Variants in IL1RAPL1 observed in about 807,000 individuals in gnomAD.
IL1RAPL1 encodes interleukin 1 receptor accessory protein like 1, also known as interleukin-1 receptor accessory protein-like 1.
IL1RAPL1 carries 3 observed loss-of-function variants against 48.4 expected under a neutral mutation model. The ratio of observed to expected loss-of-function variants is 0.06; its 90% CI spans 0.03 to 0.16. The LOEUF (loss-of-function observed/expected upper bound fraction) is 0.16. IL1RAPL1 is among the 10% of genes least tolerant of loss of function. IL1RAPL1 has a pLI of 1.00. For missense variants in IL1RAPL1, 349 were observed against 530.6 expected (o/e 0.66, Z 3.36); for synonymous variants, 185 against 187.7 (o/e 0.99, Z 0.12).
At chrX:28,721,847 A>G (rs1935586933) in intron 1 of IL1RAPL1, among the ~76,000 whole-genome samples, 1 of 111,405 alleles carries the variant, frequency 9.0e-6, no homozygotes, top group Non-Finnish European at 1.9e-5. Flanking sequence ...TTTATTAAAT[A>G]GGGAATCCTT....
intron 5 of IL1RAPL1, among the ~76,000 whole-genome samples, chrX:29,404,097 T>C (rs773709108): frequency 3.6e-5 from 4 of 112,179 alleles, no homozygotes; most frequent in Admixed American, 2.9e-4. Flanking sequence ...CATTAAGGTT[T>C]TCTCTTTGTG....
intron 5 of IL1RAPL1, among the ~76,000 whole-genome samples, chrX:29,468,561 A>T (rs200799304): frequency 9.3e-6 from 1 of 106,962 alleles, no homozygotes; most frequent in South Asian, 4.1e-4. Context: ...CGACTTTTTT[A>T]CTTTGCTGTC....
At chrX:29,738,493 C>G (rs1433470048) in intron 6 of IL1RAPL1, among the ~76,000 whole-genome samples, 2 of 96,556 alleles carry the variant, frequency 2.1e-5, no homozygotes, top group Non-Finnish European at 4.0e-5. Context: ...CTCTGTCAGG[C>G]TGGAGTGTAT....
At chrX:29,543,721 C>T (rs1405698659) in intron 5 of IL1RAPL1, among the ~76,000 whole-genome samples, 1 of 110,953 alleles carries the variant, frequency 9.0e-6, no homozygotes, top group Non-Finnish European at 1.9e-5. Context: ...TGACCCCTGC[C>T]ATATGATTCT....
At chrX:28,807,804 T>C (rs1403047858) in intron 2 of IL1RAPL1, among the ~76,000 whole-genome samples, 3 of 111,359 alleles carry the variant, frequency 2.7e-5, no homozygotes, top group Admixed American at 1.9e-4. Context: ...CAGAATTACA[T>C]TGACACTTTT....
At position 29,017,352 on chromosome X, in the gene IL1RAPL1, T is replaced by C. The variant is rs765942726; in HGVS notation, c.82+227927T>C. On this transcript the variant is annotated intron_variant, in intron 2 of 10. Coordinates refer to ENST00000378993, the MANE Select transcript of IL1RAPL1 (RefSeq NM_014271.4). ...GTCTTTACCTGCTTATAGTAAGCGT[T>C]TATCTCTCAAAAACCTTTAATCATC... 2.5e-4 allele frequency among the ~76,000 whole-genome samples: 28 copies of C among 112,150 alleles called. No individual in the cohort carries two copies. The Middle Eastern group carries it at 0.014, about 55-fold the overall frequency.
chrX:29,777,856 TGTCA>T (rs969523551), intron 6 of IL1RAPL1, among the ~76,000 whole-genome samples: 67 of 110,781 alleles, frequency 6.0e-4, no homozygotes, highest in African/African-American at 2.1e-3. Context: ...ATGCTTTCTA[TGTCA>T]GTCATCTATA....
chrX:28,724,261 TA>T (rs1382677479), intron 1 of IL1RAPL1, among the ~76,000 whole-genome samples: 1 of 111,658 alleles, frequency 9.0e-6, no homozygotes, highest in Non-Finnish European at 1.9e-5. Flanking sequence ...GGACTTGCTT[TA>T]TGAATCTGGG....
chrX:29,102,453 G>T (rs902393464), intron 2 of IL1RAPL1, among the ~76,000 whole-genome samples: 6 of 111,507 alleles, frequency 5.4e-5, no homozygotes, highest in African/African-American at 2.0e-4. Context: ...GATCACCTGA[G>T]GTCAGGAGTT....
At chrX:28,671,428 T>G (rs919773671) in intron 1 of IL1RAPL1, among the ~76,000 whole-genome samples, 6 of 111,235 alleles carry the variant, frequency 5.4e-5, no homozygotes, top group African/African-American at 2.0e-4. Flanking sequence ...ATTACTAGAG[T>G]TTTTCCCAGT....
chrX:28,834,419 T>C (rs1389298972), intron 2 of IL1RAPL1, among the ~76,000 whole-genome samples: 1 of 111,215 alleles, frequency 9.0e-6, no homozygotes, highest in Non-Finnish European at 1.9e-5. Flanking sequence ...TTTTTTTGGA[T>C]ATGGCTTCAA....
At chrX:29,855,016 A>C (rs1210657159) in intron 6 of IL1RAPL1, among the ~76,000 whole-genome samples, 1 of 112,047 alleles carries the variant, frequency 8.9e-6, no homozygotes, top group Admixed American at 9.5e-5. Flanking sequence ...TTCGTAAATT[A>C]TAGAACACCC....
At chrX:29,340,624 A>G (rs776595791) in intron 3 of IL1RAPL1, among the ~76,000 whole-genome samples, 81 of 112,067 alleles carry the variant, frequency 7.2e-4, no homozygotes, top group African/African-American at 2.1e-3. Flanking sequence ...GCCACCAATG[A>G]TGTCTAGGAA....
chrX:29,837,399 G>T (rs1931046260), intron 6 of IL1RAPL1, among the ~76,000 whole-genome samples: 1 of 106,320 alleles, frequency 9.4e-6, no homozygotes, highest in South Asian at 4.2e-4. Context: ...CAGGAATTAT[G>T]ACAGGCAATT....
At chrX:29,868,249 C>T (rs1931733058) in intron 6 of IL1RAPL1, among the ~76,000 whole-genome samples, 1 of 112,367 alleles carries the variant, frequency 8.9e-6, no homozygotes, top group African/African-American at 3.2e-5. Flanking sequence ...TGAGCTGGAT[C>T]ATGAAAAGGC....
intron 2 of IL1RAPL1, among the ~76,000 whole-genome samples, chrX:28,966,531 C>A (rs1011067849): frequency 3.6e-5 from 4 of 111,646 alleles, no homozygotes; most frequent in Non-Finnish European, 7.5e-5. Flanking sequence ...CAACTCTCCC[C>A]CCTCCTCTTG....
chrX:28,655,792 CAT>C (rs1165639596), intron 1 of IL1RAPL1, among the ~76,000 whole-genome samples: 101 of 111,580 alleles, frequency 9.1e-4, no homozygotes, highest in African/African-American at 2.9e-3. Context: ...AAATTACACA[CAT>C]GTTTTATATT....
At chrX:29,081,391 T>C (rs1396535988) in intron 2 of IL1RAPL1, among the ~76,000 whole-genome samples, 1 of 109,697 alleles carries the variant, frequency 9.1e-6, no homozygotes, top group Non-Finnish European at 1.9e-5. Context: ...TTTGTAGAGA[T>C]GGGGTTTTGC....
At chrX:29,671,404 T>C (rs1343066206) in intron 6 of IL1RAPL1, among the ~76,000 whole-genome samples, 2 of 111,886 alleles carry the variant, frequency 1.8e-5, no homozygotes, top group Non-Finnish European at 3.8e-5. Flanking sequence ...TAGGAAAAAA[T>C]CATATAATGG....
Sources: allele counts gnomAD v4.1 joint callset (sites outside exome capture counted in the v4.1 genomes callset), GRCh38; gene constraint gnomAD v4.1.1; transcripts MANE v1.5; gene names NCBI Gene and HGNC (gene_info 2026-07-23, HGNC 2026-07-21).